The following FTO variants were observed in gnomAD, a reference collection of about 807,000 sequenced individuals.
FTO encodes FTO alpha-ketoglutarate dependent dioxygenase.
A neutral mutation model predicts 63.9 loss-of-function variants in FTO; 47 were observed. That is an observed-to-expected ratio of 0.74 (90% CI 0.58 to 0.94). The LOEUF is 0.94. Among genes scored for constraint, FTO ranks in the 40% least tolerant of loss-of-function variants. The probability of loss-of-function intolerance (pLI) is 0.00; values close to 1 mark genes in which losing one functional copy is unlikely to be tolerated. For synonymous variants in FTO, 207 were observed against 224.4 expected (o/e 0.92, Z 0.69); for missense variants, 562 against 618.1 (o/e 0.91, Z 0.96).
At chr16:53,959,891 G>T (rs932005659) in intron 8 of FTO, among the ~76,000 whole-genome samples, 1 of 152,056 alleles carries the variant, frequency 6.6e-6, no homozygotes, top group African/African-American at 2.4e-5. Context: ...ATGTGCAAAG[G>T]CCCAGGGGCA....
chr16:54,102,458 C>T (rs1419093206), intron 8 of FTO, among the ~76,000 whole-genome samples: 1 of 152,150 alleles, frequency 6.6e-6, no homozygotes, highest in Non-Finnish European at 1.5e-5. Context: ...TGCCTGTAAT[C>T]CCAGCTATGT....
Position 53,880,001 on chromosome 16 carries a change from T to C in FTO, c.1119+14T>C. The C allele has an allele frequency of 7.2e-7, 1 of 1,384,702 alleles. No individual in the cohort carries two copies. The highest frequency in any genetic ancestry group is 2.7e-5 in the East Asian group (1 of 37,346). The allele number at this position is 1,384,702 out of a possible 1,614,324, so 85.8% of individuals were successfully genotyped here. A position where few individuals can be genotyped will look rare whatever the true frequency, so the allele number is the denominator to read the frequency against. ...ATTCATAATGAGGTAAGGACTTTCT[T>C]TTTTTTTTTTTGAGATGGAGTCTCG... is the stretch of plus-strand genomic sequence containing the variant. On this transcript the variant is annotated intron_variant, in intron 6 of 8. Coordinates refer to ENST00000471389, the MANE Select transcript of FTO (RefSeq NM_001080432.3).
At chr16:54,105,018 GT>G (rs1454079552) in intron 8 of FTO, among the ~76,000 whole-genome samples, 1 of 152,152 alleles carries the variant, frequency 6.6e-6, no homozygotes, top group Non-Finnish European at 1.5e-5. Context: ...GCTTTTATAT[GT>G]GTTATTTGAT....
At chr16:53,955,775 A>G (rs977091520) in intron 8 of FTO, among the ~76,000 whole-genome samples, 2 of 152,174 alleles carry the variant, frequency 1.3e-5, no homozygotes, top group Non-Finnish European at 2.9e-5. Flanking sequence ...GTACATCATG[A>G]GCTCTTTGAA....
intron 8 of FTO, chr16:54,000,053 A>G (rs551199494): frequency 6.6e-6 from 1 of 152,298 alleles, no homozygotes; most frequent in East Asian, 1.9e-4. Flanking sequence ...GAGAACAGGA[A>G]TGATCTCGAA....
Position 53,888,908 on chromosome 16 carries a change from C to A in FTO, c.1196C>A (p.Pro399His). The change falls in exon 7 of 9, where the codon CCC becomes CAC. Residue 399 changes from proline to histidine, a missense_variant. Transcript: ENST00000471389. ...AAGTGCACTGACTGGTGGTGTCAAC[C>A]CATGGCTCAACTGGAAGCACTGTGG... ...YRKCTDWWCQ[P>H]MAQLEALWKK... 1 of 1,614,040 alleles carries A rather than the reference C, an allele frequency of 6.2e-7. No individual in the cohort carries two copies. Among genetic ancestry groups the A allele is most frequent in the South Asian group, 1.1e-5 (1 of 91,086 alleles).
intron 4 of FTO, among the ~76,000 whole-genome samples, chr16:53,852,937 C>T (rs1331021930): frequency 6.6e-6 from 1 of 152,186 alleles, no homozygotes; most frequent in African/African-American, 2.4e-5. Flanking sequence ...CTTCATACCC[C>T]ACCTACCACA....
At chr16:53,901,844 C>CA (rs1491373312) in intron 7 of FTO, among the ~76,000 whole-genome samples, 3 of 152,182 alleles carry the variant, frequency 2.0e-5, no homozygotes, top group Non-Finnish European at 4.4e-5. Flanking sequence ...TAATAACTCT[C>CA]AGTTTGTTCT....
chr16:53,945,572 G>T (rs1347500756), intron 8 of FTO, among the ~76,000 whole-genome samples: 1 of 152,136 alleles, frequency 6.6e-6, no homozygotes, highest in Non-Finnish European at 1.5e-5. Flanking sequence ...TATTTCCTCT[G>T]GTACCTAACA....
At chr16:54,003,731 G>T (rs911414902) in intron 8 of FTO, among the ~76,000 whole-genome samples, 2 of 152,078 alleles carry the variant, frequency 1.3e-5, no homozygotes, top group African/African-American at 2.4e-5. Context: ...AAAAAGAAGG[G>T]CTGTATGTCA....
chr16:53,875,911 A>G (rs1409044678), intron 5 of FTO, among the ~76,000 whole-genome samples: 1 of 151,776 alleles, frequency 6.6e-6, no homozygotes, highest in Non-Finnish European at 1.5e-5. Context: ...CTGGTCTTGA[A>G]CTCCTGACCT....
At chr16:53,791,227 T>C (rs1204013793) in intron 1 of FTO, among the ~76,000 whole-genome samples, 2 of 152,202 alleles carry the variant, frequency 1.3e-5, no homozygotes, top group Non-Finnish European at 2.9e-5. Context: ...TATCTGAAAT[T>C]GCTCTTTAGG....
chr16:53,729,393 G>T (rs965244216), intron 1 of FTO, among the ~76,000 whole-genome samples: 6 of 151,930 alleles, frequency 3.9e-5, no homozygotes, highest in African/African-American at 1.5e-4. Flanking sequence ...TGGGCTTGGT[G>T]GTGCGTGCCT....
At chr16:53,851,937 C>T (rs563810596) in intron 4 of FTO, among the ~76,000 whole-genome samples, 2 of 152,074 alleles carry the variant, frequency 1.3e-5, no homozygotes, top group South Asian at 4.2e-4. Flanking sequence ...GATTACCTCC[C>T]TAACCCTTAA....
chr16:53,797,859 G>T (rs9922619), intron 1 of FTO, among the ~76,000 whole-genome samples: 52,971 of 151,746 alleles, frequency 0.35, 10,330 homozygotes, highest in Non-Finnish European at 0.44. Context: ...TTACTTCTGG[G>T]TTCATTTCTC....
intron 4 of FTO, among the ~76,000 whole-genome samples, chr16:53,853,212 A>G (rs13332928): frequency 0.42 from 63,656 of 151,748 alleles, 15,922 homozygotes; most frequent in East Asian, 0.84. Context: ...GGCCGAGGCC[A>G]GAGAATCCCT....
intron 1 of FTO, among the ~76,000 whole-genome samples, chr16:53,745,167 A>G (rs1303279465): frequency 6.6e-6 from 1 of 152,248 alleles, no homozygotes; most frequent in Non-Finnish European, 1.5e-5. Flanking sequence ...CTTATGAATA[A>G]TTCAGCAAAG....
At chr16:54,042,227 T>C (rs1048048876) in intron 8 of FTO, among the ~76,000 whole-genome samples, 6 of 145,734 alleles carry the variant, frequency 4.1e-5, no homozygotes, top group Non-Finnish European at 9.0e-5. Flanking sequence ...TGCCAGACAG[T>C]GGGCGCAGGC....
intron 8 of FTO, among the ~76,000 whole-genome samples, chr16:54,061,088 G>A (rs542469819): frequency 4.6e-5 from 7 of 152,214 alleles, no homozygotes; most frequent in East Asian, 1.9e-4. Flanking sequence ...TGGAGCTCTC[G>A]GAATCCCTTG....
Sources: allele counts gnomAD v4.1 joint callset (sites outside exome capture counted in the v4.1 genomes callset), GRCh38; gene constraint gnomAD v4.1.1; transcripts MANE v1.5; gene names NCBI Gene and HGNC (gene_info 2026-07-23, HGNC 2026-07-21).